The following GALK2 variants were observed in gnomAD, a reference collection of about 807,000 sequenced individuals.
GALK2 encodes the protein galactokinase 2, also known as N-acetylgalactosamine kinase.
GALK2 carries 36 observed loss-of-function variants against 52.4 expected under a neutral mutation model. The ratio of observed to expected loss-of-function variants is 0.69; its 90% confidence interval spans 0.53 to 0.91. The LOEUF is 0.91. Among genes scored for constraint, GALK2 ranks in the 40% least tolerant of loss-of-function variants. GALK2 has a pLI of 0.00. For missense variants in GALK2, 579 were observed against 559.1 expected, an observed-to-expected ratio of 1.04 and a Z score of -0.36; for synonymous variants, 176 against 199.1, an observed-to-expected ratio of 0.88 and a Z score of 0.98.
intron 1 of GALK2, among the ~76,000 whole-genome samples, chr15:49,186,549 T>C (rs1055412626): frequency 6.7e-6 from 1 of 149,690 alleles, no homozygotes; most frequent in Non-Finnish European, 1.5e-5. Flanking sequence ...TTTCTTTTTT[T>C]TTTTTTTTTG....
intron 8 of GALK2, among the ~76,000 whole-genome samples, chr15:49,297,403 T>G (rs1241281968): frequency 9.8e-5 from 15 of 152,334 alleles, no homozygotes; most frequent in Admixed American, 9.8e-4. Context: ...CTGTTGACAG[T>G]TTCTTTTGCT....
chr15:49,170,489 T>A, intron 1 of GALK2, 114 bp downstream of exon 1: 1 of 1,020,544 alleles, frequency 9.8e-7, no homozygotes, highest in Non-Finnish European at 1.5e-6. Flanking sequence ...GGGGAGCAAG[T>A]GGAACCCTTG....
chr15:49,175,437 C>A (rs900047258), intron 1 of GALK2, among the ~76,000 whole-genome samples: 7 of 152,120 alleles, frequency 4.6e-5, no homozygotes, highest in Non-Finnish European at 1.0e-4. Context: ...TACACCTCGA[C>A]CTGTAACTTT....
rs150895583 is a variant in GALK2 at position 49,367,571 on chromosome 15, A to C, written c.*35A>C. On this transcript the variant is annotated 3_prime_UTR_variant, in exon 4 of 4. Coordinates refer to the GALK2 transcript ENST00000558399. ...ACTCTGACCTCCAAAATTGAAGAGA[A>C]CACGATTAAACTCTGGACCAGTACT... 6.2e-6 allele frequency: 10 copies of C among 1,601,254 alleles called. No individual in the cohort carries two copies. In the African/African-American group the frequency reaches 1.2e-4, roughly 19 times the overall value.
At chr15:49,217,042 CT>C (rs2089436403) in intron 2 of GALK2, 147 bp from the exon 3 acceptor site, 6 of 587,332 alleles carry the variant, frequency 1.0e-5, no homozygotes, top group Non-Finnish European at 5.9e-6. Flanking sequence ...TGGAAGGGTT[CT>C]ATTTGGCCAT....
intron 8 of GALK2, among the ~76,000 whole-genome samples, chr15:49,300,744 C>A (rs1274850293): frequency 6.6e-6 from 1 of 152,118 alleles, no homozygotes; most frequent in Non-Finnish European, 1.5e-5. Flanking sequence ...CTTGCTGCCA[C>A]CATGTGAAGA....
At chr15:49,340,300 G>A (rs975713001) in intron 3 of GALK2, among the ~76,000 whole-genome samples, 12 of 152,118 alleles carry the variant, frequency 7.9e-5, no homozygotes, top group African/African-American at 2.2e-4. Context: ...TGGGAAAAGC[G>A]CAGTATCTGG....
chr15:49,309,438 C>A (rs2035808253), intron 8 of GALK2, among the ~76,000 whole-genome samples: 2 of 151,792 alleles, frequency 1.3e-5, no homozygotes, highest in African/African-American at 2.4e-5. Context: ...TGAATTTTTT[C>A]TTTAATTTTT....
At position 49,328,607 on chromosome 15, in the gene GALK2, T is replaced by C; in HGVS notation, c.*448T>C. ...CCTCAAAGTTGTAGTTGTCTGTTGA[T>C]GATGGTGATGATGATGATGATGACG... On this transcript the variant is annotated 3_prime_UTR_variant, in exon 10 of 10. Transcript: ENST00000560031. The C allele has an allele frequency of 6.3e-7, 1 of 1,592,304 alleles. No homozygotes were observed. The highest frequency in any genetic ancestry group is 8.6e-7 in the Non-Finnish European group (1 of 1,165,930).
rs1422213070 is a variant in GALK2 at position 49,170,567 on chromosome 15, T to G, written c.53+192T>G. ...CGCCGCAAACACATTCTACCTTGAC[T>G]ACTACGAAGGGTTGTATGTTTTTTT... On this transcript the variant is annotated intron_variant, in intron 1 of 9. Transcript: ENST00000560031. 4 of 590,424 alleles carry G rather than the reference T, an allele frequency of 6.8e-6. No homozygotes were observed. In the African/African-American group the frequency reaches 7.4e-5, roughly 11 times the overall value. 36.6% of individuals were successfully genotyped at this position (590,424 alleles called of 1,614,324 possible). A position where few individuals can be genotyped will look rare whatever the true frequency, so the allele number is the denominator to read the frequency against.
intron 3 of GALK2, among the ~76,000 whole-genome samples, chr15:49,229,060 A>G (rs1167919846): frequency 2.0e-5 from 3 of 152,176 alleles, no homozygotes; most frequent in South Asian, 2.1e-4. Flanking sequence ...TTTCTTTGTC[A>G]TTGGAATCTG....
chr15:49,253,013 T>C (rs2091674855), intron 5 of GALK2, among the ~76,000 whole-genome samples: 2 of 144,824 alleles, frequency 1.4e-5, no homozygotes, highest in Admixed American at 1.4e-4. Flanking sequence ...TTATCAATCA[T>C]CTTATTACTT....
chr15:49,323,995 A>C (rs1489447160), intron 9 of GALK2, among the ~76,000 whole-genome samples: 2 of 152,246 alleles, frequency 1.3e-5, no homozygotes, highest in East Asian at 1.9e-4. Flanking sequence ...GAAATGACTA[A>C]ATTTTAAGTA....
At chr15:49,307,267 G>A (rs1476842750) in intron 8 of GALK2, among the ~76,000 whole-genome samples, 1 of 152,136 alleles carries the variant, frequency 6.6e-6, no homozygotes, top group Non-Finnish European at 1.5e-5. Flanking sequence ...ACGGGGAGAG[G>A]ATAGTGTCAC....
intron 5 of GALK2, among the ~76,000 whole-genome samples, chr15:49,268,794 C>A (rs909827979): frequency 5.3e-5 from 8 of 152,140 alleles, no homozygotes; most frequent in African/African-American, 1.9e-4. Context: ...TATTTTCTAG[C>A]AAATTACCTT....
intron 7 of GALK2, 145 bp downstream of exon 7, chr15:49,283,863 G>C (rs899317906): frequency 1.2e-6 from 1 of 806,650 alleles, no homozygotes; most frequent in South Asian, 1.9e-5. Flanking sequence ...TTTGGGTACA[G>C]AGAAATCTGA....
chr15:49,191,061 A>G (rs2086689092), intron 1 of GALK2, among the ~76,000 whole-genome samples: 1 of 152,142 alleles, frequency 6.6e-6, no homozygotes, highest in Non-Finnish European at 1.5e-5. Flanking sequence ...ACTTCATTCT[A>G]TAAAATAGAA....
chr15:49,302,622 C>T (rs2035209077), intron 8 of GALK2, among the ~76,000 whole-genome samples: 1 of 152,178 alleles, frequency 6.6e-6, no homozygotes, highest in Non-Finnish European at 1.5e-5. Flanking sequence ...TGAGGGTTCT[C>T]AATTATGAAG....
At chr15:49,166,211 C>G (rs533712247), upstream of GALK2, among the ~76,000 whole-genome samples, 4 of 152,072 alleles carry the variant, frequency 2.6e-5, no homozygotes, top group Non-Finnish European at 5.9e-5. Flanking sequence ...TGATGTGATG[C>G]TTTGTATGAC....
Sources: allele counts gnomAD v4.1 joint callset (sites outside exome capture counted in the v4.1 genomes callset), GRCh38; gene constraint gnomAD v4.1.1; transcripts MANE v1.5; gene names NCBI Gene and HGNC (gene_info 2026-07-23, HGNC 2026-07-21).